Variants in RNF14 observed in about 807,000 individuals in gnomAD.
The protein encoded by RNF14 is ring finger protein 14.
A neutral mutation model predicts 52.6 loss-of-function variants in RNF14; 26 were observed. The ratio of observed to expected loss-of-function variants is 0.49; its 90% CI spans 0.36 to 0.69. The LOEUF (loss-of-function observed/expected upper bound fraction) is 0.69. Among genes scored for constraint, RNF14 ranks in the 30% least tolerant of loss-of-function variants. The pLI is 0.00. For missense variants in RNF14, 404 were observed against 560.4 expected (o/e 0.72, Z 2.82); for synonymous variants, 194 against 202.0 (o/e 0.96, Z 0.34).
chr5:141,961,740 TG>T (rs1753276616), intron 1 of RNF14, among the ~76,000 whole-genome samples: 1 of 151,688 alleles, frequency 6.6e-6, no homozygotes, highest in South Asian at 2.1e-4. Context: ...AGGGGTGAAG[TG>T]GGAAGGGTGG....
chr5:141,961,426 A>G (rs1266707334), intron 1 of RNF14, among the ~76,000 whole-genome samples: 6 of 152,278 alleles, frequency 3.9e-5, no homozygotes, highest in African/African-American at 1.4e-4. Context: ...TGAGGTCCCC[A>G]TTTAGCAATT....
upstream of RNF14, chr5:141,955,204 G>A (rs200214038): frequency 7.4e-6 from 12 of 1,614,124 alleles, no homozygotes; most frequent in Non-Finnish European, 9.3e-6. This position sits in a 1 kb window ranked among gnomAD's most constrained non-coding sequence, Gnocchi z 5.5. Context: ...GGGGCTGCCT[G>A]CAACCTTCAG....
chr5:141,981,649 A>G (rs1409922020), intron 6 of RNF14: 1 of 152,028 alleles, frequency 6.6e-6, no homozygotes, highest in East Asian at 1.9e-4. Context: ...GGATTGCTTG[A>G]GTCCAAGAGT....
At chr5:141,984,499 A>G (rs1755064011) in intron 7 of RNF14, among the ~76,000 whole-genome samples, 1 of 152,220 alleles carries the variant, frequency 6.6e-6, no homozygotes, top group Non-Finnish European at 1.5e-5. Flanking sequence ...CACACGTTAC[A>G]TCCAAACATT....
chr5:141,952,724 T>C, the RNF14 span: 1 of 152,336 alleles, frequency 6.6e-6, no homozygotes, highest in East Asian at 1.9e-4. Flanking sequence ...TCATCTCTAA[T>C]AGGGGGCTAG....
rs546213540 is a variant in RNF14, at chr5:141,978,911, G to A, written c.834+81G>A. ...ATCATCTCAGGAACTTCCTTGATAG[G>A]GCTCATGGGGCAGTCCGAGGCCTTG... On this transcript the variant is annotated intron_variant, in intron 5 of 8. Coordinates refer to ENST00000394520, the MANE Select transcript of RNF14 (RefSeq NM_004290.5). The A allele has an allele frequency of 1.0e-5, 15 of 1,464,634 alleles. No homozygotes were observed. In the African/African-American group the frequency reaches 2.1e-4, roughly 20 times the overall value. The allele number at this position is 1,464,634 out of a possible 1,614,324, so 90.7% of individuals were successfully genotyped here.
chr5:141,979,085 G>C (rs542456618), intron 5 of RNF14, among the ~76,000 whole-genome samples: 2 of 152,332 alleles, frequency 1.3e-5, no homozygotes, highest in East Asian at 3.9e-4. Context: ...AATTTACTTT[G>C]TATATCTGCT....
intron 3 of RNF14, among the ~76,000 whole-genome samples, chr5:141,974,458 T>C (rs944255102): frequency 3.3e-5 from 5 of 152,316 alleles, no homozygotes; most frequent in Admixed American, 6.5e-5. Context: ...GAACATCCTT[T>C]CTCTAGATTG....
At chr5:141,974,351 T>C (rs1754056615) in intron 3 of RNF14, among the ~76,000 whole-genome samples, 1 of 152,246 alleles carries the variant, frequency 6.6e-6, no homozygotes, top group Admixed American at 6.5e-5. Flanking sequence ...GATCATTGTG[T>C]TGGCACAAAT....
chr5:141,955,149 C>T, upstream of RNF14: 1 of 1,614,216 alleles, frequency 6.2e-7, no homozygotes, highest in South Asian at 1.1e-5. The surrounding 1 kb of genome is among the most constrained non-coding windows in gnomAD (Gnocchi z 5.5). Context: ...CTGGTGGCCT[C>T]TGTGGGGCTT....
upstream of RNF14, chr5:141,955,580 T>TGGACC: frequency 6.2e-7 from 1 of 1,614,114 alleles, no homozygotes; most frequent in Non-Finnish European, 8.5e-7. This position sits in a 1 kb window ranked among gnomAD's most constrained non-coding sequence, Gnocchi z 5.5. Flanking sequence ...TGGCGGTAGG[T>TGGACC]GGACTCGGCC....
At chr5:141,951,694 C>A in the RNF14 span, 1 of 842,260 alleles carries the variant, frequency 1.2e-6, no homozygotes, top group South Asian at 1.4e-5. Context: ...ATAGTCTTTC[C>A]TCTGGCTTCA....
chr5:141,954,950 G>C (rs920894091), upstream of RNF14: 11 of 1,594,168 alleles, frequency 6.9e-6, no homozygotes, highest in Non-Finnish European at 9.4e-6. Context: ...ACCAGAGAAA[G>C]AGCTGCCCAT....
At chr5:141,961,950 A>G (rs1211369831), upstream of RNF14, among the ~76,000 whole-genome samples, 1 of 152,072 alleles carries the variant, frequency 6.6e-6, no homozygotes, top group African/African-American at 2.4e-5. Context: ...TCTCCTCGTG[A>G]ATCTCCCCTG....
chr5:141,984,570 C>T (rs928857276), intron 7 of RNF14, among the ~76,000 whole-genome samples: 1 of 152,196 alleles, frequency 6.6e-6, no homozygotes, highest in African/African-American at 2.4e-5. Flanking sequence ...TACTGCTTGT[C>T]AGAAGAGATT....
In RNF14 at chr5:141,980,226, G is replaced by A; in HGVS notation, c.938G>A (p.Cys313Tyr). ...GATGTGGTGTACTGCCCCCGGCCGT[G>A]CTGCCAGCTGCCTGTGATGCAGGAA... Reference protein sequence around the residue: ...MADVVYCPRPCCQLPVMQEPG... With the variant: ...MADVVYCPRPYCQLPVMQEPG... The change falls in exon 6 of 9, where the codon TGC becomes TAC. Residue 313 changes from cysteine (C) to tyrosine (Y), a missense_variant. Physicochemically the swap from Cys to Tyr is radical, Grantham distance 194. Transcript: ENST00000394520. 1.2e-6 allele frequency: 2 copies of A among 1,614,206 alleles called. No individual in the cohort carries two copies. Among genetic ancestry groups the A allele is most frequent in the Non-Finnish European group, 1.7e-6 (2 of 1,180,030 alleles).
At chr5:141,960,184 G>A (rs1289617088) in intron 1 of RNF14, among the ~76,000 whole-genome samples, 12 of 152,156 alleles carry the variant, frequency 7.9e-5, no homozygotes. Flanking sequence ...GGCAGCCCAC[G>A]TGACAGTCTC....
upstream of RNF14, chr5:141,955,414 T>TGCAGGCAGGGGTCCC: frequency 6.2e-7 from 1 of 1,614,010 alleles, no homozygotes; most frequent in Non-Finnish European, 8.5e-7. This position sits in a 1 kb window ranked among gnomAD's most constrained non-coding sequence, Gnocchi z 5.5. Context: ...GAAGGGGGCC[T>TGCAGGCAGGGGTCCC]GCAGGCAGGG....
chr5:141,956,486 TGTC>T (rs1400614705), upstream of RNF14: 3 of 1,614,096 alleles, frequency 1.9e-6, no homozygotes, highest in Non-Finnish European at 2.5e-6. Flanking sequence ...ACAGGTGCAT[TGTC>T]GTTGATGTCA....
Sources: gnomAD v4.1 joint callset for allele counts (sites outside exome capture counted in the v4.1 genomes callset) on GRCh38, gnomAD v4.1.1 for gene constraint, Gnocchi (gnomAD v3.1) non-coding constraint, MANE v1.5 for transcripts, NCBI Gene and HGNC (gene_info 2026-07-23, HGNC 2026-07-21) for gene names.